Variants in HIGD1C observed in about 807,000 individuals in gnomAD.
HIGD1C encodes the protein HIG1 hypoxia inducible domain family member 1C.
In HIGD1C, 11 loss-of-function variants were observed where a neutral mutation model predicts 13.1. The observed-to-expected ratio is 0.84, with a 90% CI of 0.53 to 1.39. The LOEUF (loss-of-function observed/expected upper bound fraction) is 1.39, where lower values mean the gene tolerates loss of function less well. HIGD1C is among the 40% of genes most tolerant of loss of function. The probability of loss-of-function intolerance (pLI) is 0.00; values close to 1 mark genes in which losing one functional copy is unlikely to be tolerated. For synonymous variants in HIGD1C, 36 were observed against 37.7 expected (o/e 0.95, Z 0.17); for missense variants, 110 against 112.0 (o/e 0.98, Z 0.08).
the HIGD1C span, among the ~76,000 whole-genome samples, chr12:50,939,338 G>A: frequency 1.3e-5 from 2 of 152,250 alleles, no homozygotes; most frequent in Admixed American, 6.5e-5. Flanking sequence ...AGTAAAGACG[G>A]GGTTTTGCCA....
At chr12:50,947,611 T>A in the HIGD1C span, among the ~76,000 whole-genome samples, 1 of 152,120 alleles carries the variant, frequency 6.6e-6, no homozygotes, top group African/African-American at 2.4e-5. Context: ...CTTAATTCCA[T>A]CCACAACCTT....
At chr12:50,970,707 A>G (rs1307500090), downstream of HIGD1C, among the ~76,000 whole-genome samples, 1 of 152,178 alleles carries the variant, frequency 6.6e-6, no homozygotes, top group African/African-American at 2.4e-5. Context: ...ATCCCGTGTT[A>G]ATGTCTTTCA....
At chr12:50,945,560 A>T in the HIGD1C span, among the ~76,000 whole-genome samples, 1 of 152,212 alleles carries the variant, frequency 6.6e-6, no homozygotes, top group Non-Finnish European at 1.5e-5. Flanking sequence ...ACTACAAACC[A>T]CTGCTCAACG....
At chr12:50,962,479 C>T (rs1306797153) in intron 2 of HIGD1C, among the ~76,000 whole-genome samples, 12 of 151,992 alleles carry the variant, frequency 7.9e-5, no homozygotes, top group African/African-American at 2.9e-4. Context: ...GCAGGAGGAT[C>T]ACTTAGGGTC....
At chr12:50,948,968 C>G (rs1295517052), upstream of HIGD1C, 2 of 116,166 alleles carry the variant, frequency 1.7e-5, no homozygotes, top group Non-Finnish European at 3.4e-5. Context: ...CACATATGCA[C>G]GAGGTTATTC....
the HIGD1C span, among the ~76,000 whole-genome samples, chr12:50,934,597 G>A: frequency 6.6e-6 from 1 of 152,220 alleles, no homozygotes; most frequent in African/African-American, 2.4e-5. Flanking sequence ...AAGAAGCTCA[G>A]GGTGCCCAGC....
chr12:50,961,236 C>A, intron 2 of HIGD1C, 134 bp downstream of exon 4: 1 of 943,452 alleles, frequency 1.1e-6, no homozygotes, highest in Non-Finnish European at 1.5e-6. Flanking sequence ...ACTGATCTTC[C>A]CTTAGTTGAG....
chr12:50,954,715 G>A (rs994179908), intron 1 of HIGD1C, among the ~76,000 whole-genome samples: 4 of 152,094 alleles, frequency 2.6e-5, no homozygotes, highest in East Asian at 3.9e-4. Flanking sequence ...GACATAGTGA[G>A]ACCCTGTCTC....
upstream of HIGD1C, among the ~76,000 whole-genome samples, chr12:50,952,395 A>T (rs1390146798): frequency 2.0e-5 from 3 of 152,208 alleles, no homozygotes; most frequent in Non-Finnish European, 4.4e-5. Flanking sequence ...TTAAGTTACA[A>T]GGGAAAAACC....
the HIGD1C span, among the ~76,000 whole-genome samples, chr12:50,941,114 C>A: frequency 6.6e-6 from 1 of 152,164 alleles, no homozygotes; most frequent in African/African-American, 2.4e-5. Flanking sequence ...AATCCTCCCT[C>A]TTGGGCTTCC....
intron 2 of HIGD1C, among the ~76,000 whole-genome samples, chr12:50,964,973 T>C (rs1413495320): frequency 6.6e-6 from 1 of 152,218 alleles, no homozygotes; most frequent in East Asian, 1.9e-4. Flanking sequence ...TCCTCCTGCC[T>C]TGGCCTCCCA....
chr12:50,948,872 A>G, the HIGD1C span, among the ~76,000 whole-genome samples: 6 of 14,846 alleles, frequency 4.0e-4, no homozygotes, highest in Admixed American at 1.0e-3. Flanking sequence ...AGGAGGGGGG[A>G]GGGGAGGGGG....
chr12:50,967,736 G>A (rs973422891), intron 2 of HIGD1C, among the ~76,000 whole-genome samples: 10 of 152,132 alleles, frequency 6.6e-5, no homozygotes, highest in African/African-American at 2.4e-4. Flanking sequence ...CTATCATGCT[G>A]GTTCTGTTCC....
intron 1 of HIGD1C, among the ~76,000 whole-genome samples, chr12:50,958,714 G>A (rs1939208780): frequency 6.6e-6 from 1 of 151,818 alleles, no homozygotes; most frequent in Non-Finnish European, 1.5e-5. Context: ...TAATGGGAAA[G>A]AATAGAGAAC....
chr12:50,951,645 G>A (rs1032472252), upstream of HIGD1C, among the ~76,000 whole-genome samples: 2 of 152,078 alleles, frequency 1.3e-5, no homozygotes, highest in African/African-American at 2.4e-5. Context: ...TCGGCTGGGC[G>A]CGGTGGCTCA....
downstream of HIGD1C, among the ~76,000 whole-genome samples, chr12:50,972,499 C>T (rs1397416637): frequency 6.6e-6 from 1 of 152,186 alleles, no homozygotes. Flanking sequence ...TAGCCATTGC[C>T]ATGTTCTGGG....
chr12:50,968,945 G>GT (rs879567342), intron 2 of HIGD1C, among the ~76,000 whole-genome samples: 5 of 151,820 alleles, frequency 3.3e-5, no homozygotes, highest in Non-Finnish European at 7.4e-5. Flanking sequence ...TTCCAACGTG[G>GT]TGGGATTACA....
chr12:50,948,316 A>T, the HIGD1C span, among the ~76,000 whole-genome samples: 26,290 of 152,124 alleles, frequency 0.17, 2,340 homozygotes, highest in South Asian at 0.27. Context: ...AATTTCACTC[A>T]TAATACAAGA....
chr12:50,962,877 A>T (rs946157831), intron 2 of HIGD1C, among the ~76,000 whole-genome samples: 1 of 152,186 alleles, frequency 6.6e-6, no homozygotes, highest in African/African-American at 2.4e-5. Flanking sequence ...GAAAAAACAA[A>T]GGCACAGAAG....
Sources: gnomAD v4.1 joint callset for allele counts (sites outside exome capture counted in the v4.1 genomes callset) on GRCh38, gnomAD v4.1.1 for gene constraint, MANE v1.5 for transcripts, NCBI Gene and HGNC (gene_info 2026-07-23, HGNC 2026-07-21) for gene names.